The following ZC3H3 variants were observed in gnomAD, a reference collection of about 807,000 sequenced individuals.
ZC3H3 encodes the protein zinc finger CCCH domain-containing protein 3.
In ZC3H3, 36 loss-of-function variants were observed where a neutral mutation model predicts 77.3. The ratio of observed to expected loss-of-function variants is 0.47; its 90% confidence interval spans 0.36 to 0.61. The LOEUF is 0.61. Among genes scored for constraint, ZC3H3 ranks in the 20% least tolerant of loss-of-function variants. The probability of loss-of-function intolerance (pLI) is 0.00; values close to 1 mark genes in which losing one functional copy is unlikely to be tolerated. For missense variants in ZC3H3, 1,331 were observed against 1,312.2 expected (o/e 1.01, Z -0.22); for synonymous variants, 626 against 555.2 (o/e 1.13, Z -1.79).
intron 9 of ZC3H3, among the ~76,000 whole-genome samples, chr8:143,461,609 C>T (rs571623410): frequency 1.1e-4 from 17 of 152,228 alleles, no homozygotes; most frequent in South Asian, 8.3e-4. Context: ...ACCACCCGAA[C>T]GGACAAAGAA....
In ZC3H3 at chr8:143,468,265, T is replaced by C. The variant is rs1820466053; in HGVS notation, c.2119A>G (p.Thr707Ala). 6.2e-7 allele frequency: 1 copy of C among 1,612,820 alleles called. No individual in the cohort carries two copies. Among genetic ancestry groups the C allele is most frequent in the South Asian group, 1.1e-5 (1 of 91,076 alleles). Residue 707 changes from threonine (T) to alanine (A), a missense_variant, in exon 8 of 12, where the codon ACC becomes GCC. This residue lies in a region of ZC3H3 where 104 missense variants were observed against 159.7 expected (regional missense o/e 0.65). Coordinates refer to ENST00000262577, the MANE Select transcript of ZC3H3 (RefSeq NM_015117.3). ...CAGGTCCCATCCGTTTTCTTGCAGG[T>C]GCCCCGGACAAACCTGCAGCACCAG... ...VAVCTRFVRG[T>A]CKKTDGTCPF...
intron 3 of ZC3H3, among the ~76,000 whole-genome samples, chr8:143,509,404 G>A (rs1424585972): frequency 1.3e-5 from 2 of 152,200 alleles, no homozygotes; most frequent in African/African-American, 2.4e-5. Flanking sequence ...TGGGCTGCCC[G>A]GCTGCTCCTG....
intron 9 of ZC3H3, among the ~76,000 whole-genome samples, chr8:143,453,315 T>C (rs1248227087): frequency 2.0e-5 from 3 of 152,046 alleles, no homozygotes; most frequent in African/African-American, 4.8e-5. Context: ...TCTCAAACTC[T>C]TGGGCTCAAG....
chr8:143,507,240 G>A (rs141363987), intron 4 of ZC3H3, among the ~76,000 whole-genome samples: 27 of 152,276 alleles, frequency 1.8e-4, no homozygotes, highest in African/African-American at 6.3e-4. Flanking sequence ...AGCCTGCATC[G>A]AGGTCAGAGT....
chr8:143,527,673 C>T (rs1027746132), intron 3 of ZC3H3, among the ~76,000 whole-genome samples: 4 of 152,298 alleles, frequency 2.6e-5, no homozygotes, highest in Admixed American at 1.3e-4. Context: ...TGCTCTCATG[C>T]CCTTTCACGG....
intron 9 of ZC3H3, among the ~76,000 whole-genome samples, chr8:143,464,464 CT>C (rs1265373007): frequency 2.6e-5 from 4 of 152,144 alleles, no homozygotes. Context: ...CTGACTCCTC[CT>C]GGGAAGTGGG....
At chr8:143,446,537 A>G (rs868417768) in intron 9 of ZC3H3, among the ~76,000 whole-genome samples, 4 of 152,250 alleles carry the variant, frequency 2.6e-5, no homozygotes, top group Non-Finnish European at 5.9e-5. Flanking sequence ...AAATCACCAA[A>G]AAGATTTTCC....
At chr8:143,498,925 AGGGGCACAGGGCAGTGCAG>A (rs1320072653) in intron 4 of ZC3H3, among the ~76,000 whole-genome samples, 504 of 19,040 alleles carry the variant, frequency 0.026, 4 homozygotes, top group African/African-American at 0.096. Flanking sequence ...GACGGGGCAG[AGGGGCACAGGGCAGTGCAG>A]GGGGTACAGG....
At chr8:143,451,083 A>T (rs1819976759) in intron 9 of ZC3H3, among the ~76,000 whole-genome samples, 1 of 152,084 alleles carries the variant, frequency 6.6e-6, no homozygotes, top group Admixed American at 6.6e-5. Flanking sequence ...GGGTGCCCAC[A>T]AGGACAGCAG....
intron 2 of ZC3H3, among the ~76,000 whole-genome samples, chr8:143,537,224 G>C (rs544180825): frequency 1.3e-5 from 2 of 152,190 alleles, no homozygotes. Context: ...GGTGGAGGCC[G>C]GGAGAGATGT....
intron 3 of ZC3H3, among the ~76,000 whole-genome samples, chr8:143,535,129 C>G (rs183385507): frequency 8.6e-4 from 131 of 152,252 alleles, no homozygotes; most frequent in Middle Eastern, 3.4e-3. Flanking sequence ...ACTGCAACCT[C>G]CCAGGCTCAA....
intron 2 of ZC3H3, among the ~76,000 whole-genome samples, chr8:143,536,808 G>A (rs891744854): frequency 3.3e-5 from 5 of 152,118 alleles, no homozygotes; most frequent in East Asian, 1.9e-4. Context: ...GAGAAGGGCC[G>A]ACATCCCTGA....
In ZC3H3 at chr8:143,536,374, G is replaced by C; in HGVS notation, c.1444C>G (p.Leu482Val). 1.3e-6 allele frequency: 2 copies of C among 1,594,840 alleles called. No individual in the cohort carries two copies. Among genetic ancestry groups the C allele is most frequent in the Non-Finnish European group, 1.7e-6 (2 of 1,170,468 alleles). The change falls in exon 3 of 12, where the codon CTC becomes GTC. Residue 482 changes from leucine to valine, a missense_variant. By Grantham distance (32) the Leu-to-Val change is conservative. Transcript: ENST00000262577. ...AGGACAGGGCTGCTCTTCCCCCTGA[G>C]GGCCTGTCTCCGCCGGAGGCTGAGG... is the stretch of plus-strand genomic sequence containing the variant. Reference protein sequence around the residue: ...SHLSLRRRQALRGKSSPVLKK... With the variant: ...SHLSLRRRQAVRGKSSPVLKK...
chr8:143,534,411 C>A (rs1244884940), intron 3 of ZC3H3, among the ~76,000 whole-genome samples: 2 of 152,060 alleles, frequency 1.3e-5, no homozygotes, highest in Non-Finnish European at 2.9e-5. Context: ...CCCACTCTTC[C>A]TGGCAGGAGT....
At chr8:143,478,404 C>T (rs1245471908) in intron 4 of ZC3H3, among the ~76,000 whole-genome samples, 1 of 152,236 alleles carries the variant, frequency 6.6e-6, no homozygotes, top group Non-Finnish European at 1.5e-5. Context: ...GGTCAGCAGG[C>T]ACTGGAAGCT....
intron 4 of ZC3H3, among the ~76,000 whole-genome samples, chr8:143,501,251 A>T (rs1315058336): frequency 2.0e-5 from 3 of 152,052 alleles, no homozygotes; most frequent in Non-Finnish European, 4.4e-5. Context: ...CCCAGACTGG[A>T]GTACAGTGGC....
In ZC3H3 at chr8:143,536,267, G is replaced by A; in HGVS notation, c.1551C>T (p.Pro517=). 6.2e-7 allele frequency: 1 copy of A among 1,611,008 alleles called. No individual in the cohort carries two copies. Among genetic ancestry groups the A allele is most frequent in the South Asian group, 1.1e-5 (1 of 90,718 alleles). Reference sequence around the variant, plus strand: ...CTGCTCCCAGCATACCTTCCTTGGTGGGGAGGTGGGCCCGGCTCGGTGGCA... The same window carrying A: ...CTGCTCCCAGCATACCTTCCTTGGTAGGGAGGTGGGCCCGGCTCGGTGGCA... The part of the protein sequence containing the change: ...CRLPPSRAHL[P]TKEASSLHAV... The change falls in exon 3 of 12, where the codon CCC becomes CCT. Residue 517 remains proline (P), a synonymous_variant. Coordinates refer to ENST00000262577, the MANE Select transcript of ZC3H3 (RefSeq NM_015117.3).
chr8:143,485,740 C>T (rs1175191589), intron 4 of ZC3H3, among the ~76,000 whole-genome samples: 1 of 152,220 alleles, frequency 6.6e-6, no homozygotes, highest in Admixed American at 6.5e-5. Context: ...ACATCCACAA[C>T]AAAAACAAAC....
At chr8:143,500,642 C>G (rs1049083634) in intron 4 of ZC3H3, among the ~76,000 whole-genome samples, 2 of 152,196 alleles carry the variant, frequency 1.3e-5, no homozygotes, top group South Asian at 4.1e-4. Context: ...TGAGGGTTTT[C>G]TTATGGCAGA....
Sources: allele counts gnomAD v4.1 joint callset (sites outside exome capture counted in the v4.1 genomes callset), GRCh38; gene constraint gnomAD v4.1.1; regional missense constraint gnomAD v4.1.1; transcripts MANE v1.5; gene names NCBI Gene and HGNC (gene_info 2026-07-23, HGNC 2026-07-21).